GPBP1: variants seen among roughly 807,000 people sequenced by gnomAD.
GPBP1 encodes the protein vasculin.
Under a neutral mutation model 56.5 loss-of-function variants are expected in GPBP1, and 13 were observed. That is an observed-to-expected ratio of 0.23 (90% CI 0.15 to 0.37). GPBP1 has a LOEUF of 0.37. Ranked by LOEUF, GPBP1 falls within the 10% of genes least tolerant of loss-of-function variation. The probability of loss-of-function intolerance (pLI) is 1.00; values close to 1 mark genes in which losing one functional copy is unlikely to be tolerated. For synonymous variants in GPBP1, 204 were observed against 188.9 expected, an observed-to-expected ratio of 1.08 and a Z score of -0.66; for missense variants, 477 against 572.3, an observed-to-expected ratio of 0.83 and a Z score of 1.70.
chr5:57,234,029 A>G (rs1017597799), intron 5 of GPBP1, among the ~76,000 whole-genome samples: 1 of 152,180 alleles, frequency 6.6e-6, no homozygotes, highest in African/African-American at 2.4e-5. Flanking sequence ...TTCTAATAGT[A>G]TACTTTAAAG....
intron 3 of GPBP1, 119 bp downstream of exon 3, chr5:57,214,312 G>A (rs1409396584): frequency 1.3e-5 from 11 of 879,414 alleles, no homozygotes; most frequent in African/African-American, 3.3e-5. Flanking sequence ...GTGGCTGGGC[G>A]CGGTGGCTCA....
At chr5:57,190,897 G>A (rs1754494060) in intron 2 of GPBP1, among the ~76,000 whole-genome samples, 1 of 151,118 alleles carries the variant, frequency 6.6e-6, no homozygotes, top group Non-Finnish European at 1.5e-5. Flanking sequence ...TGGTAGAGAC[G>A]GGGTTTTGCC....
At chr5:57,194,422 T>C (rs1259322702) in intron 2 of GPBP1, among the ~76,000 whole-genome samples, 3 of 152,210 alleles carry the variant, frequency 2.0e-5, no homozygotes, top group Non-Finnish European at 4.4e-5. Flanking sequence ...GAATAATAGT[T>C]ACACATATTT....
intron 6 of GPBP1, among the ~76,000 whole-genome samples, chr5:57,236,278 T>C (rs1004519036): frequency 6.6e-6 from 1 of 152,212 alleles, no homozygotes; most frequent in African/African-American, 2.4e-5. Flanking sequence ...TGAATATGAC[T>C]TAAATGATAA....
intron 2 of GPBP1, among the ~76,000 whole-genome samples, chr5:57,193,336 C>G (rs1030525242): frequency 6.6e-6 from 1 of 151,284 alleles, no homozygotes; most frequent in Non-Finnish European, 1.5e-5. Context: ...CTGCCTAGGC[C>G]GAGTGCCGTG....
At chr5:57,248,590 C>CGTAG (rs1561371865) in intron 8 of GPBP1, among the ~76,000 whole-genome samples, 2 of 152,156 alleles carry the variant, frequency 1.3e-5, no homozygotes, top group East Asian at 3.9e-4. Context: ...GTAGCCACTA[C>CGTAG]GCCTGGCTAA....
In GPBP1 at chr5:57,250,775, C is replaced by A. The variant is rs569033126; in HGVS notation, c.973-179C>A. 2.0e-5 allele frequency among the ~76,000 whole-genome samples: 3 copies of A among 152,130 alleles called. No individual in the cohort carries two copies. The South Asian group carries it at 6.2e-4, about 32-fold the overall frequency. On this transcript the variant is annotated intron_variant, in intron 9 of 11. Coordinates refer to ENST00000506184, the MANE Select transcript of GPBP1 (RefSeq NM_022913.4). ...GGCCAGGCTCGTCGCAAACTCCTGACCTCAGATGATCCACCCGCCTTGGCC... is the reference window on the plus strand; with the variant it reads ...GGCCAGGCTCGTCGCAAACTCCTGAACTCAGATGATCCACCCGCCTTGGCC...
chr5:57,194,497 C>T (rs910511162), intron 2 of GPBP1, among the ~76,000 whole-genome samples: 2 of 152,158 alleles, frequency 1.3e-5, no homozygotes, highest in Non-Finnish European at 2.9e-5. Flanking sequence ...GTGGGAATAT[C>T]ACTTCAAGCA....
rs1026817834 is a variant in GPBP1, at chr5:57,235,867, G to A, written c.412-99G>A. ...TTATTCAACCTGTAGCTAAGAGTTG[G>A]TCATATTTGATTCATCAGTTACAAC... On this transcript the variant is annotated intron_variant, in intron 5 of 11. Transcript: ENST00000506184. 4 of 859,394 alleles carry A rather than the reference G, an allele frequency of 4.7e-6. No homozygotes were observed. The African/African-American group carries it at 5.1e-5, about 11-fold the overall frequency. 53.2% of individuals were successfully genotyped at this position (859,394 alleles called of 1,614,324 possible).
chr5:57,208,869 G>C (rs989231155), intron 2 of GPBP1, among the ~76,000 whole-genome samples: 6 of 151,970 alleles, frequency 3.9e-5, no homozygotes, highest in African/African-American at 9.6e-5. Flanking sequence ...TGGCCAGCCT[G>C]GTCTCAAACT....
chr5:57,255,516 A>T (rs1741618453), intron 10 of GPBP1, among the ~76,000 whole-genome samples: 1 of 152,264 alleles, frequency 6.6e-6, no homozygotes, highest in African/African-American at 2.4e-5. Context: ...TAGAAAGGAG[A>T]ATAAAACACA....
chr5:57,197,230 C>CT (rs1458897923), intron 2 of GPBP1, among the ~76,000 whole-genome samples: 1 of 152,028 alleles, frequency 6.6e-6, no homozygotes, highest in African/African-American at 2.4e-5. Flanking sequence ...AGTTACAAGG[C>CT]TTTCCTACAC....
rs879373618 is a variant in GPBP1, at chr5:57,236,867, G to T, written c.478+835G>T. Among the ~76,000 whole-genome samples, 772 of 152,082 alleles carry T rather than the reference G, an allele frequency of 5.1e-3. 2 individuals are homozygous for T. The highest frequency in any genetic ancestry group is 9.4e-3 in the Non-Finnish European group (639 of 67,982). ...GAAAATCAACTCACTAAAACAAAAG[G>T]ATTGTGGCTTTTGACAGCATACTAG... On this transcript the variant is annotated intron_variant, in intron 6 of 11. Transcript: ENST00000506184.
chr5:57,204,238 G>A (rs1755136854), intron 2 of GPBP1, among the ~76,000 whole-genome samples: 1 of 152,004 alleles, frequency 6.6e-6, no homozygotes, highest in Admixed American at 6.6e-5. Flanking sequence ...ATGTTTTACA[G>A]CTTGTTTTTT....
intron 2 of GPBP1, among the ~76,000 whole-genome samples, chr5:57,190,676 C>T (rs1224456077): frequency 3.9e-5 from 5 of 127,606 alleles, no homozygotes; most frequent in Non-Finnish European, 6.5e-5. Context: ...TCAAGACTGG[C>T]TTTGGATTTG....
intron 6 of GPBP1, among the ~76,000 whole-genome samples, chr5:57,241,155 A>C (rs752533039): frequency 5.3e-5 from 8 of 152,198 alleles, no homozygotes; most frequent in Admixed American, 2.0e-4. Flanking sequence ...AGTTAAATGT[A>C]GTGATTGAGT....
chr5:57,181,032 C>G (rs1181768317), intron 2 of GPBP1, among the ~76,000 whole-genome samples: 1 of 152,144 alleles, frequency 6.6e-6, no homozygotes, highest in Admixed American at 6.6e-5. Context: ...AGTTTGAAAA[C>G]TGAATTAAGA....
At chr5:57,239,303 T>G (rs1020531994) in intron 6 of GPBP1, among the ~76,000 whole-genome samples, 2 of 152,212 alleles carry the variant, frequency 1.3e-5, no homozygotes, top group East Asian at 3.8e-4. Context: ...CCATGGAAAT[T>G]GTTGATATTT....
chr5:57,220,099 C>T lies in GPBP1; in HGVS notation c.63+5906C>T, dbSNP rs1488390365. 2.0e-5 allele frequency among the ~76,000 whole-genome samples: 3 copies of T among 150,998 alleles called. No homozygotes were observed. In the South Asian group the frequency reaches 6.3e-4, roughly 32 times the overall value. On this transcript the variant is annotated intron_variant, in intron 3 of 11. Transcript: ENST00000506184. The stretch of plus-strand genomic sequence containing the variant: ...AAGATACACAAAACATTAAAAAAAG[C>T]TTGTAAATACTTGTCTTCATTTAAA...
Sources: allele counts gnomAD v4.1 joint callset (sites outside exome capture counted in the v4.1 genomes callset), GRCh38; gene constraint gnomAD v4.1.1; transcripts MANE v1.5; gene names NCBI Gene and HGNC (gene_info 2026-07-23, HGNC 2026-07-21).